The following LRRC3 variants were observed in gnomAD, a reference collection of about 807,000 sequenced individuals.
LRRC3 encodes leucine rich repeat containing 3, also known as leucine-rich repeat-containing protein 3.
For missense variants in LRRC3, 351 were observed against 361.6 expected (o/e 0.97, Z 0.24); for synonymous variants, 172 against 164.1 (o/e 1.05, Z -0.37).
intron 1 of LRRC3, among the ~76,000 whole-genome samples, chr21:44,455,901 A>G (rs2146448315): frequency 6.6e-6 from 1 of 151,988 alleles, no homozygotes; most frequent in African/African-American, 2.4e-5. Context: ...TTCCTTCTTC[A>G]GGCAGTTGAA....
rs2051749616 is a variant in LRRC3, at chr21:44,461,923, GT to G, written c.*4506del. 1 of 152,518 alleles carries G rather than the reference GT, an allele frequency of 6.6e-6. No individual in the cohort carries two copies. Among genetic ancestry groups the G allele is most frequent in the African/African-American group, 2.4e-5 (1 of 41,482 alleles). 9.4% of individuals were successfully genotyped at this position (152,518 alleles called of 1,614,324 possible). On this transcript the variant is annotated 3_prime_UTR_variant, in exon 2 of 2. Transcript: ENST00000291592. ...CTTGGCAGGTCCCCTCATGGAGGATGTGGGGGATTGGCTTAGGCCTGGTCTG... is the reference window on the plus strand; with the variant it reads ...CTTGGCAGGTCCCCTCATGGAGGATGGGGGGATTGGCTTAGGCCTGGTCTG...
At chr21:44,456,216 T>C (rs1428505070) in intron 1 of LRRC3, among the ~76,000 whole-genome samples, 1 of 152,092 alleles carries the variant, frequency 6.6e-6, no homozygotes, top group African/African-American at 2.4e-5. Context: ...AGCGGTGCTG[T>C]AGGTGGCCAG....
At position 44,457,025 on chromosome 21, in the gene LRRC3, G is replaced by T; in HGVS notation, c.381G>T (p.Arg127Ser). Residue 127 changes from arginine (R) to serine (S), a missense_variant, in exon 2 of 2, where the codon AGG (arginine) becomes AGT (serine). Physicochemically the swap from Arg to Ser is moderately radical, Grantham distance 110 (BLOSUM62 -1). Transcript: ENST00000291592. Reference protein sequence around the residue: ...LLDLSYNRIQRIPKDALGKLS... With the variant: ...LLDLSYNRIQSIPKDALGKLS... ...ACCTGTCTTACAACCGCATCCAGAG[G>T]ATCCCCAAGGACGCCCTGGGCAAAC... The T allele has an allele frequency of 6.2e-7, 1 of 1,605,888 alleles. No homozygotes were observed. The highest frequency in any genetic ancestry group is 8.5e-7 in the Non-Finnish European group (1 of 1,179,372).
rs1168584624 is a variant in LRRC3, at chr21:44,460,577, G to C, written c.*3159G>C. 2.9e-5 allele frequency: 4 copies of C among 137,052 alleles called. No individual in the cohort carries two copies. The East Asian group carries it at 8.7e-4, about 30-fold the overall frequency. The allele number at this position is 137,052 out of a possible 1,614,324, so 8.5% of individuals were successfully genotyped here. A position where few individuals can be genotyped will look rare whatever the true frequency, so the allele number is the denominator to read the frequency against. On this transcript the variant is annotated 3_prime_UTR_variant, in exon 2 of 2. Coordinates refer to ENST00000291592, the MANE Select transcript of LRRC3 (RefSeq NM_030891.6). Reference sequence around the variant, plus strand: ...TCTCGGCCTTGCGAGACAAGGCAGGGGGAGGGGATAGGAAATTGGGGGTAT... The same window carrying C: ...TCTCGGCCTTGCGAGACAAGGCAGGCGGAGGGGATAGGAAATTGGGGGTAT...
rs900529335 is a variant in LRRC3 at position 44,459,174 on chromosome 21, G to T, written c.*1756G>T. 6.6e-6 allele frequency: 1 copy of T among 152,286 alleles called. No homozygotes were observed. Among genetic ancestry groups the T allele is most frequent in the Non-Finnish European group, 1.5e-5 (1 of 68,066 alleles). The allele number at this position is 152,286 out of a possible 1,614,324, so 9.4% of individuals were successfully genotyped here. On this transcript the variant is annotated 3_prime_UTR_variant, in exon 2 of 2. Coordinates refer to ENST00000291592, the MANE Select transcript of LRRC3 (RefSeq NM_030891.6). Reference sequence around the variant, plus strand: ...TGGCAGCGCCACTCACCCTTCCAGTGAGAGCTAGAACCAAGTGCCAGCCCC... The same window carrying T: ...TGGCAGCGCCACTCACCCTTCCAGTTAGAGCTAGAACCAAGTGCCAGCCCC...
In LRRC3 at chr21:44,457,251, A is replaced by G. The variant is rs1340508338; in HGVS notation, c.607A>G (p.Thr203Ala). 5 of 1,613,848 alleles carry G rather than the reference A, an allele frequency of 3.1e-6. No homozygotes were observed. The African/African-American group carries it at 6.7e-5, about 22-fold the overall frequency. Residue 203 changes from threonine to alanine, a missense_variant, in exon 2 of 2, where the codon ACA becomes GCA. By Grantham distance (58) the Thr-to-Ala change is moderately conservative. Transcript: ENST00000291592. The part of the protein sequence containing the change: ...ASLCSVPHRT[T>A]DVAMLVTMFG... ...CCTCTGCAGCGTCCCCCACAGGACC[A>G]CAGACGTGGCCATGCTGGTCACCAT...
Position 44,457,318 on chromosome 21 carries a change from A to G in LRRC3, c.674A>G (p.Tyr225Cys), listed in dbSNP as rs762207809. Reference sequence around the variant, plus strand: ...ATGGTGATCGCCTACGTCGTGTACTATGTGCGCCACAACCAGGAGGATGCC... The same window carrying G: ...ATGGTGATCGCCTACGTCGTGTACTGTGTGCGCCACAACCAGGAGGATGCC... Reference protein sequence around the residue: ...FAMVIAYVVYYVRHNQEDARR... With the variant: ...FAMVIAYVVYCVRHNQEDARR... Residue 225 changes from tyrosine (Y) to cysteine (C), a missense_variant, in exon 2 of 2, where the codon TAT becomes TGT. Transcript: ENST00000291592. The G allele has an allele frequency of 3.1e-6, 5 of 1,613,352 alleles. No homozygotes were observed. Among genetic ancestry groups the G allele is most frequent in the Non-Finnish European group, 4.2e-6 (5 of 1,179,752 alleles).
chr21:44,460,069 G>A lies in LRRC3; in HGVS notation c.*2651G>A, dbSNP rs906283677. ...CCCCAAAGCTCCTTCATGCTCACTGGAGCTCCCACCGTGGGTGCTTGCAAG... is the reference window on the plus strand; with the variant it reads ...CCCCAAAGCTCCTTCATGCTCACTGAAGCTCCCACCGTGGGTGCTTGCAAG... On this transcript the variant is annotated 3_prime_UTR_variant, in exon 2 of 2. Coordinates refer to ENST00000291592, the MANE Select transcript of LRRC3 (RefSeq NM_030891.6). The A allele has an allele frequency of 1.3e-5, 2 of 152,322 alleles. No homozygotes were observed. Among genetic ancestry groups the A allele is most frequent in the African/African-American group, 2.4e-5 (1 of 41,368 alleles). The allele number at this position is 152,322 out of a possible 1,614,324, so 9.4% of individuals were successfully genotyped here. A position where few individuals can be genotyped will look rare whatever the true frequency, so the allele number is the denominator to read the frequency against.
At position 44,459,927 on chromosome 21, in the gene LRRC3, CTCAG is replaced by C. The variant is rs1254824643; in HGVS notation, c.*2514_*2517del. 6.6e-6 allele frequency: 1 copy of C among 152,316 alleles called. No individual in the cohort carries two copies. The highest frequency in any genetic ancestry group is 1.5e-5 in the Non-Finnish European group (1 of 68,154). The allele number at this position is 152,316 out of a possible 1,614,324, so 9.4% of individuals were successfully genotyped here. A position where few individuals can be genotyped will look rare whatever the true frequency, so the allele number is the denominator to read the frequency against. On this transcript the variant is annotated 3_prime_UTR_variant, in exon 2 of 2. Coordinates refer to ENST00000291592, the MANE Select transcript of LRRC3 (RefSeq NM_030891.6). ...GAGGCCCTGTCCCCTGCACTGTGAG[CTCAG>C]TCAGGTCCATGAGCTGCCCACCGTC...
chr21:44,457,110 G>T lies in LRRC3; in HGVS notation c.466G>T (p.Ala156Ser). The T allele has an allele frequency of 6.2e-7, 1 of 1,611,958 alleles. No homozygotes were observed. Residue 156 changes from alanine to serine, a missense_variant, in exon 2 of 2, where the codon GCC becomes TCC. Ala to Ser is a moderately conservative substitution (Grantham distance 99, BLOSUM62 1). Coordinates refer to ENST00000291592, the MANE Select transcript of LRRC3 (RefSeq NM_030891.6). ...GCACTGCGAGTGCGCCCTGCAGGAGGCCCTGTGGGAGCTGAAGCTGGACCC... is the reference window on the plus strand; with the variant it reads ...GCACTGCGAGTGCGCCCTGCAGGAGTCCCTGTGGGAGCTGAAGCTGGACCC... ...PLHCECALQE[A>S]LWELKLDPDS...
rs149772360 is a variant in LRRC3 at position 44,456,810 on chromosome 21, C to T, written c.166C>T (p.Gln56Ter). 8.7e-5 allele frequency: 140 copies of T among 1,611,748 alleles called. No individual in the cohort carries two copies. The highest frequency in any genetic ancestry group is 1.1e-4 in the Non-Finnish European group (135 of 1,179,714). Reference sequence around the variant, plus strand: ...TGTCTTCTGCAGCTTGCGGGGCCTTCAGGAGGTCCCCGAGGACATCCCGGC... The same window carrying T: ...TGTCTTCTGCAGCTTGCGGGGCCTTTAGGAGGTCCCCGAGGACATCCCGGC... ...VAVFCSLRGL[Q>*]EVPEDIPANT... Residue 56 changes from glutamine to a stop codon, truncating the protein, a stop_gained, in exon 2 of 2, where the codon CAG becomes TAG. Transcript: ENST00000291592. LOFTEE classifies it low-confidence loss of function (END_TRUNC).
Position 44,457,518 on chromosome 21 carries a change from A to G in LRRC3, c.*100A>G. The G allele has an allele frequency of 7.5e-7, 1 of 1,333,718 alleles. No homozygotes were observed. 82.6% of individuals were successfully genotyped at this position (1,333,718 alleles called of 1,614,324 possible). A position where few individuals can be genotyped will look rare whatever the true frequency, so the allele number is the denominator to read the frequency against. On this transcript the variant is annotated 3_prime_UTR_variant, in exon 2 of 2. Transcript: ENST00000291592. ...CTTCCCTGAGGCAGGTGTCACAGCCATGTGTGCTCCCCACTGTTGCACTCA... is the reference window on the plus strand; with the variant it reads ...CTTCCCTGAGGCAGGTGTCACAGCCGTGTGTGCTCCCCACTGTTGCACTCA...
In LRRC3 at chr21:44,458,959, G is replaced by GT. The variant is rs2051725592; in HGVS notation, c.*1542dup. ...GGTTCTGAGGTACCCCGTGTGTGCAGTGTGAGTCACGGGGGTGTCTGTGTT... is the reference window on the plus strand; with the variant it reads ...GGTTCTGAGGTACCCCGTGTGTGCAGTTGTGAGTCACGGGGGTGTCTGTGTT... On this transcript the variant is annotated 3_prime_UTR_variant, in exon 2 of 2. Coordinates refer to ENST00000291592, the MANE Select transcript of LRRC3 (RefSeq NM_030891.6). 1.2e-5 allele frequency: 2 copies of GT among 166,050 alleles called. No homozygotes were observed. Among genetic ancestry groups the GT allele is most frequent in the Admixed American group, 6.5e-5 (1 of 15,288 alleles). 10.3% of individuals were successfully genotyped at this position (166,050 alleles called of 1,614,324 possible).
At position 44,457,713 on chromosome 21, in the gene LRRC3, A is replaced by C; in HGVS notation, c.*295A>C. On this transcript the variant is annotated 3_prime_UTR_variant, in exon 2 of 2. Coordinates refer to ENST00000291592, the MANE Select transcript of LRRC3 (RefSeq NM_030891.6). ...TCGTGACATTCCGCCTCCTTCCACC[A>C]TGCCAGCCTCTCCCACACGGGGCCC... is the stretch of plus-strand genomic sequence containing the variant. 2 of 426,822 alleles carry C rather than the reference A, an allele frequency of 4.7e-6. No homozygotes were observed. Among genetic ancestry groups the C allele is most frequent in the Non-Finnish European group, 4.4e-6 (1 of 227,548 alleles). 26.4% of individuals were successfully genotyped at this position (426,822 alleles called of 1,614,324 possible).
rs536218952 is a variant in LRRC3 at position 44,458,494 on chromosome 21, A to G, written c.*1076A>G. 1 of 167,174 alleles carries G rather than the reference A, an allele frequency of 6.0e-6. No homozygotes were observed. Among genetic ancestry groups the G allele is most frequent in the South Asian group, 2.1e-4 (1 of 4,824 alleles). The allele number at this position is 167,174 out of a possible 1,614,324, so 10.4% of individuals were successfully genotyped here. A position where few individuals can be genotyped will look rare whatever the true frequency, so the allele number is the denominator to read the frequency against. ...CCTTGCTTTTTCTACTCACTAAGAT[A>G]TAAAACAGCTCTTTTTCCAAGGCCC... is the stretch of plus-strand genomic sequence containing the variant. On this transcript the variant is annotated 3_prime_UTR_variant, in exon 2 of 2. Coordinates refer to ENST00000291592, the MANE Select transcript of LRRC3 (RefSeq NM_030891.6).
Position 44,458,562 on chromosome 21 carries a change from C to T in LRRC3, c.*1144C>T, listed in dbSNP as rs2051723380. Reference sequence around the variant, plus strand: ...TGTTTCAAGGCCAATCAATGGGATGCTTCGTTTTCTCCAGCAACAGGAACT... The same window carrying T: ...TGTTTCAAGGCCAATCAATGGGATGTTTCGTTTTCTCCAGCAACAGGAACT... On this transcript the variant is annotated 3_prime_UTR_variant, in exon 2 of 2. Coordinates refer to ENST00000291592, the MANE Select transcript of LRRC3 (RefSeq NM_030891.6). 1 of 167,096 alleles carries T rather than the reference C, an allele frequency of 6.0e-6. No homozygotes were observed. The highest frequency in any genetic ancestry group is 2.4e-5 in the African/African-American group (1 of 41,456). The allele number at this position is 167,096 out of a possible 1,614,324, so 10.4% of individuals were successfully genotyped here.
At position 44,461,207 on chromosome 21, in the gene LRRC3, C is replaced by G. The variant is rs1351803026; in HGVS notation, c.*3789C>G. 6.6e-6 allele frequency: 1 copy of G among 152,570 alleles called. No homozygotes were observed. Among genetic ancestry groups the G allele is most frequent in the Admixed American group, 6.5e-5 (1 of 15,294 alleles). 9.5% of individuals were successfully genotyped at this position (152,570 alleles called of 1,614,324 possible). A position where few individuals can be genotyped will look rare whatever the true frequency, so the allele number is the denominator to read the frequency against. ...AGGCCACTGAGGCCAGGGAGACTCC[C>G]AGGCCCACTCACGGCGCAGGCCCCA... is the stretch of plus-strand genomic sequence containing the variant. On this transcript the variant is annotated 3_prime_UTR_variant, in exon 2 of 2. Transcript: ENST00000291592.
chr21:44,456,526 C>G lies in LRRC3; in HGVS notation c.-119C>G, dbSNP rs930971825. On this transcript the variant is annotated 5_prime_UTR_variant, in exon 2 of 2. Transcript: ENST00000291592. Reference sequence around the variant, plus strand: ...TGCCAGAGTGGACTGCACTGCTTCTCCCAGCGGGGCAGGATGGCGGTTTCA... The same window carrying G: ...TGCCAGAGTGGACTGCACTGCTTCTGCCAGCGGGGCAGGATGGCGGTTTCA... The G allele has an allele frequency of 3.6e-6, 4 of 1,097,544 alleles. No individual in the cohort carries two copies. In the African/African-American group the frequency reaches 6.3e-5, roughly 17 times the overall value. 68.0% of individuals were successfully genotyped at this position (1,097,544 alleles called of 1,614,324 possible). A position where few individuals can be genotyped will look rare whatever the true frequency, so the allele number is the denominator to read the frequency against.
rs2051738433 is a variant in LRRC3 at position 44,460,650 on chromosome 21, G to A, written c.*3232G>A. The A allele has an allele frequency of 6.6e-6, 1 of 152,078 alleles. No homozygotes were observed. The highest frequency in any genetic ancestry group is 1.5e-5 in the Non-Finnish European group (1 of 68,042). The allele number at this position is 152,078 out of a possible 1,614,324, so 9.4% of individuals were successfully genotyped here. ...GGAGCCAGAATCTTCCAGCCAGACT[G>A]GATGGGCAGGGCTTAGCTTCCTGAT... On this transcript the variant is annotated 3_prime_UTR_variant, in exon 2 of 2. Coordinates refer to ENST00000291592, the MANE Select transcript of LRRC3 (RefSeq NM_030891.6).
Sources: gnomAD v4.1 joint callset for allele counts (sites outside exome capture counted in the v4.1 genomes callset) on GRCh38, gnomAD v4.1.1 for gene constraint, MANE v1.5 for transcripts, NCBI Gene and HGNC (gene_info 2026-07-23, HGNC 2026-07-21) for gene names.